Variants in NADK observed in about 807,000 individuals in gnomAD.
NADK encodes the protein NAD kinase.
Under a neutral mutation model 49.8 loss-of-function variants are expected in NADK, and 22 were observed. The observed-to-expected ratio is 0.44, with a 90% CI of 0.32 to 0.63. The LOEUF (loss-of-function observed/expected upper bound fraction) is 0.63. Ranked by LOEUF, NADK falls within the 30% of genes least tolerant of loss-of-function variation. The pLI is 0.06. For missense variants in NADK, 438 were observed against 609.4 expected, an observed-to-expected ratio of 0.72 and a Z score of 2.96; for synonymous variants, 268 against 253.7, an observed-to-expected ratio of 1.06 and a Z score of -0.54.
At chr1:1,755,061 C>T (rs966428050) in intron 7 of NADK, among the ~76,000 whole-genome samples, 8 of 152,112 alleles carry the variant, frequency 5.3e-5, no homozygotes, top group East Asian at 1.9e-4. Context: ...CCTCGTGATC[C>T]GCCCGCCTCG....
chr1:1,753,665 G>A lies in NADK; in HGVS notation c.1102-16C>T. On this transcript the variant is annotated splice_polypyrimidine_tract_variant and intron_variant, in intron 10 of 11. Transcript: ENST00000341426. The stretch of plus-strand genomic sequence containing the variant: ...ACAGCATGATCTGAGGGTCAAGCAG[G>A]GAGAGGTGTGGGCCCCCAGCTGTGG... 2 of 1,591,386 alleles carry A rather than the reference G, an allele frequency of 1.3e-6. No homozygotes were observed. Among genetic ancestry groups the A allele is most frequent in the South Asian group, 1.1e-5 (1 of 88,712 alleles).
At chr1:1,759,736 C>G (rs772640038) in intron 3 of NADK, 6 of 1,553,586 alleles carry the variant, frequency 3.9e-6, no homozygotes, top group Non-Finnish European at 4.4e-6. Flanking sequence ...AAACCCACCG[C>G]TTCCTCCTGC....
chr1:1,759,131 C>T, intron 3 of NADK: 2 of 1,554,130 alleles, frequency 1.3e-6, no homozygotes, highest in Non-Finnish European at 8.7e-7. Flanking sequence ...CATTCCAGCC[C>T]TGAGGCTCAG....
At chr1:1,776,060 A>G (rs1296814702) in intron 1 of NADK, among the ~76,000 whole-genome samples, 1 of 152,148 alleles carries the variant, frequency 6.6e-6, no homozygotes, top group African/African-American at 2.4e-5. Flanking sequence ...TTGTGTGCTC[A>G]ACACTCCCTC....
At chr1:1,773,945 G>T (rs1258944081) in intron 1 of NADK, among the ~76,000 whole-genome samples, 1 of 151,736 alleles carries the variant, frequency 6.6e-6, no homozygotes, top group African/African-American at 2.4e-5. Context: ...ACCTTGAACG[G>T]GCTGACCTTG....
intron 1 of NADK, 50 bp from the exon 2 acceptor site, chr1:1,765,496 AAAC>A: frequency 1.1e-6 from 1 of 947,952 alleles, no homozygotes; most frequent in African/African-American, 1.7e-5. Flanking sequence ...AATATGTATG[AAAC>A]AATAATAATT....
chr1:1,774,075 T>C (rs1646136707), intron 1 of NADK, among the ~76,000 whole-genome samples: 1 of 151,924 alleles, frequency 6.6e-6, no homozygotes, highest in South Asian at 2.1e-4. Flanking sequence ...ATCAATTTGA[T>C]GACTAAGCAG....
intron 3 of NADK, among the ~76,000 whole-genome samples, chr1:1,757,929 C>T (rs1645581679): frequency 1.3e-5 from 2 of 152,186 alleles, no homozygotes; most frequent in Admixed American, 1.3e-4. Context: ...CACAGCCACC[C>T]GCGCTTTGCT....
chr1:1,763,072 C>T (rs757019607), intron 2 of NADK, among the ~76,000 whole-genome samples: 2 of 152,246 alleles, frequency 1.3e-5, no homozygotes, highest in East Asian at 1.9e-4. Flanking sequence ...AACGGCCTTC[C>T]GCTGCCTCGC....
Position 1,771,050 on chromosome 1 carries a change from AAAAAAAT to A in NADK, c.-40-5611_-40-5605del, listed in dbSNP as rs1314416945. Among the ~76,000 whole-genome samples, 16 of 144,804 alleles carry A rather than the reference AAAAAAAT, an allele frequency of 1.1e-4. 1 individual carries two copies. The highest frequency in any genetic ancestry group is 8.8e-4 in the South Asian group (4 of 4,562). 95.0% of individuals were successfully genotyped at this position (144,804 alleles called of 152,430 possible). A position where few individuals can be genotyped will look rare whatever the true frequency, so the allele number is the denominator to read the frequency against. ...AGTGAGATTTCATCTTATAAAAAAA[AAAAAAAT>A]ATATATATATATATATATACACACA... On this transcript the variant is annotated intron_variant, in intron 1 of 11. Transcript: ENST00000341426.
intron 1 of NADK, among the ~76,000 whole-genome samples, chr1:1,777,666 C>A (rs1264986015): frequency 6.6e-6 from 1 of 152,008 alleles, no homozygotes; most frequent in Non-Finnish European, 1.5e-5. Flanking sequence ...CTCCACCAGG[C>A]CTTCGGAGCT....
rs372220639 is a variant in NADK, at chr1:1,764,071, G to A, written c.179+1157C>T. Among the ~76,000 whole-genome samples, 14 of 152,294 alleles carry A rather than the reference G, an allele frequency of 9.2e-5. 1 individual carries two copies. The highest frequency in any genetic ancestry group is 2.6e-4 in the Admixed American group (4 of 15,298). On this transcript the variant is annotated intron_variant, in intron 2 of 11. Transcript: ENST00000341426. ...GGGATGAAGGCAGCCACCAGCGCTC[G>A]TAGCCTCCTGGCTCAGGCAGCGACT...
chr1:1,760,387 G>A (rs747951357), intron 3 of NADK, among the ~76,000 whole-genome samples: 25 of 152,208 alleles, frequency 1.6e-4, no homozygotes, highest in Non-Finnish European at 2.6e-4. Context: ...ACGCTGCCGC[G>A]GGGCCCACAC....
In NADK at chr1:1,756,499, C is replaced by T. The variant is rs748515459; in HGVS notation, c.499+4G>A. The T allele has an allele frequency of 7.4e-6, 12 of 1,613,884 alleles. No homozygotes were observed. The highest frequency in any genetic ancestry group is 1.1e-5 in the South Asian group (1 of 91,088). On this transcript the variant is annotated splice_donor_region_variant and intron_variant, in intron 5 of 11. Transcript: ENST00000341426. The stretch of plus-strand genomic sequence containing the variant: ...AACCAAGGACAGAGCTGCTGACAGC[C>T]CACCTTCTCGAAAGGTACAGAATTT...
chr1:1,754,429 C>A lies in NADK; in HGVS notation c.844-46G>T. 1 of 1,609,342 alleles carries A rather than the reference C, an allele frequency of 6.2e-7. No homozygotes were observed. The highest frequency in any genetic ancestry group is 8.5e-7 in the Non-Finnish European group (1 of 1,176,560). On this transcript the variant is annotated intron_variant, in intron 8 of 11. Coordinates refer to ENST00000341426, the MANE Select transcript of NADK (RefSeq NM_023018.5). The surrounding 1 kb of genome is among the most constrained non-coding windows in gnomAD (Gnocchi z 4.3). Reference sequence around the variant, plus strand: ...CACACTCAGGGCGGGGGATGCCGCACGGCTCGCAGACACCCTCCGTCTCAC... The same window carrying A: ...CACACTCAGGGCGGGGGATGCCGCAAGGCTCGCAGACACCCTCCGTCTCAC...
chr1:1,766,467 G>A (rs1182589309), intron 1 of NADK, among the ~76,000 whole-genome samples: 7 of 93,108 alleles, frequency 7.5e-5, no homozygotes, highest in Non-Finnish European at 1.3e-4. Context: ...CTCTTTTCTC[G>A]TAAACAATAC....
At chr1:1,753,983 G>A (rs569506924) in intron 10 of NADK, 68 bp downstream of exon 10, 626 of 1,506,250 alleles carry the variant, frequency 4.2e-4, no homozygotes, top group Admixed American at 8.0e-4. Flanking sequence ...GGGGTGCTAG[G>A]TCCCGGCTTT....
intron 1 of NADK, among the ~76,000 whole-genome samples, chr1:1,771,128 TAC>T (rs1646040751): frequency 6.7e-6 from 1 of 148,248 alleles, no homozygotes; most frequent in Non-Finnish European, 1.5e-5. Flanking sequence ...AAAATATATA[TAC>T]ATATATATGA....
At chr1:1,779,053 C>A (rs1230315342), upstream of NADK, 1 of 152,400 alleles carries the variant, frequency 6.6e-6, no homozygotes, top group Non-Finnish European at 1.5e-5. Flanking sequence ...GGAGGGCGGC[C>A]CTGCGCCTGG....
Sources: gnomAD v4.1 joint callset for allele counts (sites outside exome capture counted in the v4.1 genomes callset) on GRCh38, gnomAD v4.1.1 for gene constraint, Gnocchi (gnomAD v3.1) non-coding constraint, MANE v1.5 for transcripts, NCBI Gene and HGNC (gene_info 2026-07-23, HGNC 2026-07-21) for gene names.